ZNF112: variants seen among roughly 807,000 people sequenced by gnomAD.
ZNF112 encodes zinc finger protein 112 (Y14).
ZNF112 carries 37 observed loss-of-function variants against 77.7 expected under a neutral mutation model. The ratio of observed to expected loss-of-function variants is 0.48; its 90% CI spans 0.37 to 0.63. ZNF112 has a LOEUF of 0.63. ZNF112 is among the 20% of genes least tolerant of loss of function. ZNF112 has a pLI of 0.00. For synonymous variants in ZNF112, 333 were observed against 363.6 expected (o/e 0.92, Z 0.96); for missense variants, 950 against 1,077.4 (o/e 0.88, Z 1.66).
intron 3 of ZNF112, among the ~76,000 whole-genome samples, chr19:44,334,946 G>A (rs980018736): frequency 2.0e-5 from 3 of 152,258 alleles, no homozygotes; most frequent in Non-Finnish European, 4.4e-5. Flanking sequence ...CTGAGGCATT[G>A]CCTAGTGGAG....
upstream of ZNF112, among the ~76,000 whole-genome samples, chr19:44,359,366 C>G (rs1222490593): frequency 1.5e-5 from 2 of 132,466 alleles, no homozygotes; most frequent in Non-Finnish European, 3.0e-5. Flanking sequence ...CTCTGTTCCC[C>G]GGGCTGAAGT....
At chr19:44,341,206 T>C (rs1970483702) in intron 1 of ZNF112, 1 of 456,498 alleles carries the variant, frequency 2.2e-6, no homozygotes, top group Non-Finnish European at 4.4e-6. Context: ...AGCTACATTA[T>C]TAATATTTTC....
rs1489230795 is a variant in ZNF112 at position 44,327,485 on chromosome 19, T to C, written c.2672A>G (p.Asp891Gly). The part of the protein sequence containing the change: ...KFYKSEDYGK[D>G]YPSSENLHRN... ...GTGTAGATTCTCTGATGAAGGGTAG[T>C]CCTTACCATAGTCTTCGCTTTTATA... is the stretch of plus-strand genomic sequence containing the variant. The change falls in exon 4 of 4, where the codon GAC becomes GGC. Residue 891 changes from aspartate to glycine, a missense_variant. Around this residue, in one of 3 missense-constraint regions of ZNF112, gnomAD observed 373 missense variants for 482.8 expected, o/e 0.77. Transcript: ENST00000354340. 6.2e-7 allele frequency: 1 copy of C among 1,612,014 alleles called. No homozygotes were observed.
intron 1 of ZNF112, among the ~76,000 whole-genome samples, chr19:44,345,751 A>T (rs564899806): frequency 3.9e-5 from 6 of 152,156 alleles, no homozygotes; most frequent in Non-Finnish European, 8.8e-5. Flanking sequence ...TTTTCTCTGC[A>T]AATCTTCTCT....
Position 44,343,745 on chromosome 19 carries a change from AAT to A in ZNF112, c.-3-3205_-3-3204del, listed in dbSNP as rs1301646530. 3.3e-5 allele frequency among the ~76,000 whole-genome samples: 5 copies of A among 152,334 alleles called. No homozygotes were observed. The East Asian group carries it at 5.8e-4, about 18-fold the overall frequency. The stretch of plus-strand genomic sequence containing the variant: ...AAAATCCAGACCACACAGTGCCAAC[AAT>A]ATATGATTGTTATTAGGATTATCTG... On this transcript the variant is annotated intron_variant, in intron 1 of 3. Coordinates refer to ENST00000354340, the MANE Select transcript of ZNF112 (RefSeq NM_013380.4).
intron 3 of ZNF112, among the ~76,000 whole-genome samples, chr19:44,335,833 C>T (rs547280195): frequency 7.2e-5 from 11 of 152,178 alleles, no homozygotes; most frequent in Non-Finnish European, 1.6e-4. Context: ...TCTTATCCAG[C>T]AGCATCCTTA....
In ZNF112 at chr19:44,329,683, A is replaced by C. The variant is rs758656670; in HGVS notation, c.474T>G (p.Asn158Lys). Residue 158 changes from asparagine to lysine, a missense_variant, in exon 4 of 4, where the codon AAT becomes AAG. Physicochemically the swap from Asn to Lys is moderately conservative, Grantham distance 94 (BLOSUM62 0). This residue lies in a region of ZNF112 where 560 missense variants were observed against 557.3 expected (regional missense o/e 1.00). Coordinates refer to ENST00000354340, the MANE Select transcript of ZNF112 (RefSeq NM_013380.4). ...CTTGACTTTTTATATAATTGGAGCC[A>C]TTCCCTATATGAGTGAATATATAGT... ...DKNYIFTHIG[N>K]GSNYIKSQGY... The C allele has an allele frequency of 3.1e-6, 5 of 1,614,158 alleles. No homozygotes were observed. Among genetic ancestry groups the C allele is most frequent in the Non-Finnish European group, 4.2e-6 (5 of 1,180,026 alleles).
At chr19:44,355,534 C>T (rs1458506562) in intron 1 of ZNF112, among the ~76,000 whole-genome samples, 4 of 152,118 alleles carry the variant, frequency 2.6e-5, no homozygotes, top group Non-Finnish European at 5.9e-5. Flanking sequence ...CTAAACACAT[C>T]AAGAACTAAG....
chr19:44,337,575 C>A (rs549157273), intron 2 of ZNF112, among the ~76,000 whole-genome samples: 11 of 147,872 alleles, frequency 7.4e-5, no homozygotes, highest in Admixed American at 2.8e-4. Context: ...GGGTAAATAC[C>A]TAGCTTTGTT....
intron 1 of ZNF112, among the ~76,000 whole-genome samples, chr19:44,342,585 G>C (rs1970509938): frequency 6.6e-6 from 1 of 152,184 alleles, no homozygotes; most frequent in Admixed American, 6.5e-5. Context: ...GGGAGGCTGA[G>C]GCACGTAGAT....
chr19:44,352,238 T>G lies in ZNF112; in HGVS notation c.-4+4388A>C, dbSNP rs144129617. Among the ~76,000 whole-genome samples the G allele has an allele frequency of 9.2e-4, 140 of 152,198 alleles. 1 individual carries two copies. The highest frequency in any genetic ancestry group is 3.1e-3 in the African/African-American group (127 of 41,560). The stretch of plus-strand genomic sequence containing the variant: ...AGAATAAATTTCTACTATAAGTAGA[T>G]AAGTTAAAAAATAAATGTTAAAAAA... On this transcript the variant is annotated intron_variant, in intron 1 of 3. Transcript: ENST00000354340.
chr19:44,326,834 C>T lies in ZNF112; in HGVS notation c.*599G>A, dbSNP rs1416254047. 5 of 153,012 alleles carry T rather than the reference C, an allele frequency of 3.3e-5. No individual in the cohort carries two copies. Among genetic ancestry groups the T allele is most frequent in the African/African-American group, 1.2e-4 (5 of 41,426 alleles). The allele number at this position is 153,012 out of a possible 1,614,324, so 9.5% of individuals were successfully genotyped here. A position where few individuals can be genotyped will look rare whatever the true frequency, so the allele number is the denominator to read the frequency against. On this transcript the variant is annotated 3_prime_UTR_variant, in exon 4 of 4. Coordinates refer to ENST00000354340, the MANE Select transcript of ZNF112 (RefSeq NM_013380.4). ...CCAAACGTTAAGAAATGCAGCACAT[C>T]TCTGCTCAAGATGGAACAAAGGGTG...
intron 2 of ZNF112, among the ~76,000 whole-genome samples, chr19:44,339,203 AAG>A (rs1970443528): frequency 6.6e-6 from 1 of 152,226 alleles, no homozygotes; most frequent in African/African-American, 2.4e-5. Context: ...CAGTAAAGGA[AAG>A]AGTTAGTTTT....
At chr19:44,343,327 CGAA>C in intron 1 of ZNF112, 2 of 1,541,194 alleles carry the variant, frequency 1.3e-6, no homozygotes, top group Non-Finnish European at 1.8e-6. Context: ...CAGGGTAATA[CGAA>C]AGAAGCCATG....
chr19:44,344,319 C>T (rs1246982687), intron 1 of ZNF112, among the ~76,000 whole-genome samples: 1 of 21,540 alleles, frequency 4.6e-5, no homozygotes. Context: ...AGGTTTGTTA[C>T]TTTACTTTAC....
At chr19:44,344,679 A>G (rs1970556063) in intron 1 of ZNF112, among the ~76,000 whole-genome samples, 1 of 152,182 alleles carries the variant, frequency 6.6e-6, no homozygotes, top group South Asian at 2.1e-4. Context: ...CCTTTGAGAG[A>G]GCATGGAAGG....
intron 1 of ZNF112, among the ~76,000 whole-genome samples, chr19:44,343,620 G>C (rs1970533252): frequency 6.6e-6 from 1 of 152,176 alleles, no homozygotes; most frequent in Non-Finnish European, 1.5e-5. Flanking sequence ...GGACTCTGGG[G>C]ACAAAATGTC....
At position 44,327,601 on chromosome 19, in the gene ZNF112, C is replaced by G; in HGVS notation, c.2556G>C (p.Glu852Asp). ...LQAHQRVHTG[E>D]KPYKCDACGK... ...CACATGCATCACATTTGTATGGTTTCTCTCCTGTGTGGACTCTCTGGTGAG... is the reference window on the plus strand; with the variant it reads ...CACATGCATCACATTTGTATGGTTTGTCTCCTGTGTGGACTCTCTGGTGAG... Residue 852 changes from glutamate to aspartate, a missense_variant, in exon 4 of 4, where the codon GAG becomes GAC. Glu to Asp is a conservative substitution (Grantham distance 45, BLOSUM62 2). Around this residue, in one of 3 missense-constraint regions of ZNF112, gnomAD observed 373 missense variants for 482.8 expected, o/e 0.77. Coordinates refer to ENST00000354340, the MANE Select transcript of ZNF112 (RefSeq NM_013380.4). 6.2e-7 allele frequency: 1 copy of G among 1,614,094 alleles called. No individual in the cohort carries two copies. The highest frequency in any genetic ancestry group is 8.5e-7 in the Non-Finnish European group (1 of 1,179,960).
chr19:44,365,307 TAGCTG>T (rs1479131816), intron 1 of ZNF112, among the ~76,000 whole-genome samples: 1 of 151,962 alleles, frequency 6.6e-6, no homozygotes, highest in African/African-American at 2.4e-5. Flanking sequence ...TACAAAAAAT[TAGCTG>T]CTCACTGTGG....
Sources: allele counts gnomAD v4.1 joint callset (sites outside exome capture counted in the v4.1 genomes callset), GRCh38; gene constraint gnomAD v4.1.1; regional missense constraint gnomAD v4.1.1; transcripts MANE v1.5; gene names NCBI Gene and HGNC (gene_info 2026-07-23, HGNC 2026-07-21).